The following ST14 variants were observed in gnomAD, a reference collection of about 807,000 sequenced individuals.
ST14 encodes the protein suppressor of tumorigenicity 14 protein.
Under a neutral mutation model 96.5 loss-of-function variants are expected in ST14, and 40 were observed. The ratio of observed to expected loss-of-function variants is 0.41; its 90% CI spans 0.32 to 0.54. ST14 has a LOEUF of 0.54. Ranked by LOEUF, ST14 falls within the 20% of genes least tolerant of loss-of-function variation. ST14 has a pLI of 0.17. For synonymous variants in ST14, 506 were observed against 492.1 expected, an observed-to-expected ratio of 1.03 and a Z score of -0.37; for missense variants, 1,066 against 1,188.9, an observed-to-expected ratio of 0.90 and a Z score of 1.52.
chr11:130,205,393 G>T (rs1953474691), intron 16 of ST14, among the ~76,000 whole-genome samples: 1 of 152,196 alleles, frequency 6.6e-6, no homozygotes, highest in African/African-American at 2.4e-5. Context: ...CTCCCAAAGT[G>T]CTGGGATTAC....
intron 17 of ST14, among the ~76,000 whole-genome samples, chr11:130,208,893 C>A (rs1243495110): frequency 6.6e-6 from 1 of 152,132 alleles, no homozygotes; most frequent in Non-Finnish European, 1.5e-5. Context: ...TTGGCTTTGC[C>A]CCTAACTAGC....
At position 130,208,899 on chromosome 11, in the gene ST14, C is replaced by G. The variant is rs141826283; in HGVS notation, c.2269+215C>G. Among the ~76,000 whole-genome samples the G allele has an allele frequency of 7.5e-3, 1,143 of 152,294 alleles. 13 individuals are homozygous for G. The highest frequency in any genetic ancestry group is 0.027 in the African/African-American group (1,102 of 41,560). On this transcript the variant is annotated intron_variant, in intron 17 of 18. Transcript: ENST00000278742. ...GATTGAAGGTTGGCTTTGCCCCTAACTAGCTGAGTGACCTTGAGCGAGTTG... is the reference window on the plus strand; with the variant it reads ...GATTGAAGGTTGGCTTTGCCCCTAAGTAGCTGAGTGACCTTGAGCGAGTTG...
chr11:130,208,834 C>T (rs769996929), intron 17 of ST14, 150 bp downstream of exon 17: 13 of 1,091,104 alleles, frequency 1.2e-5, no homozygotes, highest in Non-Finnish European at 1.4e-5. Flanking sequence ...GAATGGAGGC[C>T]TTTAGTAAAA....
intron 16 of ST14, among the ~76,000 whole-genome samples, chr11:130,202,709 A>G (rs1371570081): frequency 1.3e-5 from 2 of 152,222 alleles, no homozygotes; most frequent in Non-Finnish European, 2.9e-5. Context: ...AGGCGGCATC[A>G]CGTTGCGGTT....
At chr11:130,192,069 G>A (rs139462382) in intron 7 of ST14, among the ~76,000 whole-genome samples, 56 of 152,334 alleles carry the variant, frequency 3.7e-4, no homozygotes, top group African/African-American at 1.3e-3. Flanking sequence ...GATACCCCAC[G>A]TCAGGGTGGG....
At chr11:130,195,255 C>T (rs1255237869) in intron 9 of ST14, among the ~76,000 whole-genome samples, 1 of 151,308 alleles carries the variant, frequency 6.6e-6, no homozygotes, top group Non-Finnish European at 1.5e-5. Flanking sequence ...CAAAAAACAA[C>T]AAAAACAAAT....
rs1392912571 is a variant in ST14 at position 130,187,803 on chromosome 11, C to T, written c.82-311C>T. Among the ~76,000 whole-genome samples, 1 of 152,218 alleles carries T rather than the reference C, an allele frequency of 6.6e-6. No individual in the cohort carries two copies. Among genetic ancestry groups the T allele is most frequent in the African/African-American group, 2.4e-5 (1 of 41,454 alleles). On this transcript the variant is annotated intron_variant, in intron 1 of 18. Coordinates refer to ENST00000278742, the MANE Select transcript of ST14 (RefSeq NM_021978.4). The surrounding 1 kb of genome is among the most constrained non-coding windows in gnomAD (Gnocchi z 4.5). ...GGGAGACCTGGATGACCGGGTTCGA[C>T]AGCCCTTCATTGCGTTTTAATTTAA...
chr11:130,190,261 G>T, intron 6 of ST14, 113 bp downstream of exon 6: 1 of 1,513,274 alleles, frequency 6.6e-7, no homozygotes, highest in Non-Finnish European at 9.1e-7. Context: ...AGTATATTAT[G>T]ACGATCTTTC....
At chr11:130,190,205 T>C in intron 6 of ST14, 57 bp downstream of exon 6, 1 of 1,610,352 alleles carries the variant, frequency 6.2e-7, no homozygotes, top group Non-Finnish European at 8.5e-7. Context: ...TGTGGCCAGA[T>C]GCCCTTGAGC....
intron 1 of ST14, among the ~76,000 whole-genome samples, chr11:130,171,360 A>T (rs1386953499): frequency 6.6e-6 from 1 of 152,214 alleles, no homozygotes; most frequent in Non-Finnish European, 1.5e-5. Flanking sequence ...GGTATGGACC[A>T]CCTTTTGTGT....
At position 130,194,158 on chromosome 11, in the gene ST14, C is replaced by T; in HGVS notation, c.885C>T (p.Gly295=). 2 of 1,614,214 alleles carry T rather than the reference C, an allele frequency of 1.2e-6. No individual in the cohort carries two copies. Among genetic ancestry groups the T allele is most frequent in the Non-Finnish European group, 1.7e-6 (2 of 1,180,040 alleles). ...MEPHALVQLC[G]TYPPSYNLTF... ...CCCTCTGCCCCCACAGGTTGTGTGG[C>T]ACCTACCCTCCCTCCTACAACCTGA... Residue 295 remains glycine (G), a synonymous_variant, in exon 8 of 19, where the codon GGC becomes GGT. Coordinates refer to ENST00000278742, the MANE Select transcript of ST14 (RefSeq NM_021978.4).
intron 1 of ST14, among the ~76,000 whole-genome samples, chr11:130,165,848 A>C (rs935619988): frequency 1.3e-5 from 2 of 152,250 alleles, no homozygotes; most frequent in African/African-American, 4.8e-5. Flanking sequence ...AGTAAGAAGT[A>C]GAGTAAGAAT....
chr11:130,198,520 A>G lies in ST14; in HGVS notation c.1583A>G (p.Gln528Arg), dbSNP rs1190883138. The G allele has an allele frequency of 6.2e-6, 10 of 1,613,930 alleles. No homozygotes were observed. In the Admixed American group the frequency reaches 1.2e-4, roughly 19 times the overall value. Residue 528 changes from glutamine to arginine, a missense_variant, in exon 14 of 19, where the codon CAG becomes CGG. Physicochemically the swap from Gln to Arg is conservative, Grantham distance 43. Transcript: ENST00000278742. Reference protein sequence around the residue: ...SDEQGCSCPAQTFRCSNGKCL... With the variant: ...SDEQGCSCPARTFRCSNGKCL... The stretch of plus-strand genomic sequence containing the variant: ...GGTGCCTCTCCAGGTTGTCCGGCCC[A>G]GACCTTCAGGTGTTCCAATGGGAAG...
intron 7 of ST14, among the ~76,000 whole-genome samples, chr11:130,192,231 C>G (rs1353990620): frequency 2.6e-5 from 4 of 152,180 alleles, no homozygotes; most frequent in Non-Finnish European, 5.9e-5. Flanking sequence ...CAACCTAGAA[C>G]CATCTGCCGC....
chr11:130,176,083 G>C (rs7102249), intron 1 of ST14, among the ~76,000 whole-genome samples: 42,662 of 151,918 alleles, frequency 0.28, 11,824 homozygotes, highest in African/African-American at 0.72. Flanking sequence ...GGTGTCTGCT[G>C]CATTCTCCCA....
chr11:130,190,813 A>C, intron 7 of ST14, 119 bp downstream of exon 7: 1 of 1,328,174 alleles, frequency 7.5e-7, no homozygotes, highest in Admixed American at 2.7e-5. Flanking sequence ...ACTGCTAAAC[A>C]TCCAGGCAGC....
chr11:130,170,003 C>G (rs1345185999), intron 1 of ST14, among the ~76,000 whole-genome samples: 1 of 152,048 alleles, frequency 6.6e-6, no homozygotes, highest in Non-Finnish European at 1.5e-5. Context: ...GTCTTTGGCA[C>G]ATAAGGAGAG....
chr11:130,161,923 G>A (rs774762392), intron 1 of ST14, among the ~76,000 whole-genome samples: 2 of 152,188 alleles, frequency 1.3e-5, no homozygotes, highest in African/African-American at 4.8e-5. Context: ...AGTGTCCAGA[G>A]GAAATTGGCC....
In ST14 at chr11:130,194,199, A is replaced by G; in HGVS notation, c.926A>G (p.Gln309Arg). 6.2e-7 allele frequency: 1 copy of G among 1,614,190 alleles called. No homozygotes were observed. The highest frequency in any genetic ancestry group is 8.5e-7 in the Non-Finnish European group (1 of 1,180,026). Reference sequence around the variant, plus strand: ...TACAACCTGACCTTCCACTCCTCCCAGAACGTCCTGCTCATCACACTGATA... The same window carrying G: ...TACAACCTGACCTTCCACTCCTCCCGGAACGTCCTGCTCATCACACTGATA... ...PSYNLTFHSS[Q>R]NVLLITLITN... Residue 309 changes from glutamine (Q) to arginine (R), a missense_variant, in exon 8 of 19, where the codon CAG becomes CGG. By Grantham distance (43) the Gln-to-Arg change is conservative. Coordinates refer to ENST00000278742, the MANE Select transcript of ST14 (RefSeq NM_021978.4).
Sources: gnomAD v4.1 joint callset for allele counts (sites outside exome capture counted in the v4.1 genomes callset) on GRCh38, gnomAD v4.1.1 for gene constraint, Gnocchi (gnomAD v3.1) non-coding constraint, MANE v1.5 for transcripts, NCBI Gene and HGNC (gene_info 2026-07-23, HGNC 2026-07-21) for gene names.